PIP4P2: variants seen among roughly 807,000 people sequenced by gnomAD.
PIP4P2 encodes phosphatidylinositol-4,5-bisphosphate 4-phosphatase 2, also known as type 2 phosphatidylinositol 4,5-bisphosphate 4-phosphatase.
PIP4P2 carries 19 observed loss-of-function variants against 33.3 expected under a neutral mutation model. That is an observed-to-expected ratio of 0.57 (90% CI 0.40 to 0.84). The LOEUF (loss-of-function observed/expected upper bound fraction) is 0.84, where lower values mean the gene tolerates loss of function less well. Among genes scored for constraint, PIP4P2 ranks in the 40% least tolerant of loss-of-function variants. PIP4P2 has a pLI of 0.00. For synonymous variants in PIP4P2, 110 were observed against 111.9 expected (o/e 0.98, Z 0.11); for missense variants, 270 against 324.7 (o/e 0.83, Z 1.29).
chr8:91,019,211 C>G (rs902172002), intron 3 of PIP4P2, among the ~76,000 whole-genome samples: 2 of 150,306 alleles, frequency 1.3e-5, no homozygotes, highest in Non-Finnish European at 3.0e-5. Flanking sequence ...GTGAGATACA[C>G]AAAAATAACT....
chr8:91,004,318 CT>C (rs965972306), intron 5 of PIP4P2, among the ~76,000 whole-genome samples: 185 of 147,214 alleles, frequency 1.3e-3, no homozygotes, highest in Middle Eastern at 3.5e-3. Flanking sequence ...CTTTCCACTG[CT>C]TTTTTTTTTT....
Position 91,040,824 on chromosome 8 carries a change from G to GC in PIP4P2, c.-76dup, listed in dbSNP as rs1812297383. On this transcript the variant is annotated 5_prime_UTR_variant, in exon 1 of 7. Transcript: ENST00000285419. ...CGGCGGAGTGGTGGCTACTGCTGCT[G>GC]CCTCTGCTGCCGCTGCTGCCGCTGC... 7.4e-7 allele frequency: 1 copy of GC among 1,347,026 alleles called. No individual in the cohort carries two copies. The highest frequency in any genetic ancestry group is 1.0e-6 in the Non-Finnish European group (1 of 966,052). The allele number at this position is 1,347,026 out of a possible 1,614,324, so 83.4% of individuals were successfully genotyped here.
At chr8:91,010,906 A>T (rs1293287461) in intron 4 of PIP4P2, among the ~76,000 whole-genome samples, 1 of 151,210 alleles carries the variant, frequency 6.6e-6, no homozygotes, top group Non-Finnish European at 1.5e-5. Context: ...CATGTAATGG[A>T]TAAATTGAGT....
At chr8:90,997,132 T>A (rs1420622491) in intron 5 of PIP4P2, among the ~76,000 whole-genome samples, 1 of 151,826 alleles carries the variant, frequency 6.6e-6, no homozygotes, top group East Asian at 1.9e-4. Context: ...ATGTAAAAAA[T>A]TTAGAAAGTA....
At chr8:91,026,327 T>C (rs1812084020) in intron 1 of PIP4P2, among the ~76,000 whole-genome samples, 1 of 152,102 alleles carries the variant, frequency 6.6e-6, no homozygotes. Context: ...TTTATAGTTT[T>C]CAACATTCGC....
At chr8:91,023,296 C>T (rs182035866) in intron 1 of PIP4P2, among the ~76,000 whole-genome samples, 24 of 151,740 alleles carry the variant, frequency 1.6e-4, no homozygotes, top group Non-Finnish European at 3.2e-4. Context: ...TCTCGTAATC[C>T]CAGGTCTCTA....
In PIP4P2 at chr8:91,040,841, T is replaced by TGCCGCTGCAGCTGCTGCTGCTGCC. The variant is rs1812298342; in HGVS notation, c.-93_-92insGGCAGCAGCAGCAGCTGCAGCGGC. ...CTGCTGCTGCCTCTGCTGCCGCTGC[T>TGCCGCTGCAGCTGCTGCTGCTGCC]GCCGCTGCAGCTGCTGCTGCTGCCG... On this transcript the variant is annotated 5_prime_UTR_variant, in exon 1 of 7. Transcript: ENST00000285419. 3 of 1,040,908 alleles carry TGCCGCTGCAGCTGCTGCTGCTGCC rather than the reference T, an allele frequency of 2.9e-6. No homozygotes were observed. The highest frequency in any genetic ancestry group is 2.3e-5 in the Admixed American group (1 of 44,366). 64.5% of individuals were successfully genotyped at this position (1,040,908 alleles called of 1,614,324 possible).
At chr8:91,005,010 T>C (rs1811748223) in intron 5 of PIP4P2, among the ~76,000 whole-genome samples, 1 of 152,160 alleles carries the variant, frequency 6.6e-6, no homozygotes, top group Non-Finnish European at 1.5e-5. Context: ...TTTTCAACTC[T>C]CAGTTATCTT....
intron 1 of PIP4P2, among the ~76,000 whole-genome samples, chr8:91,027,000 G>A (rs560052858): frequency 5.3e-5 from 8 of 152,226 alleles, no homozygotes; most frequent in Non-Finnish European, 1.5e-5. Context: ...GAGAAGCTCC[G>A]GTCTTTAAAT....
intron 1 of PIP4P2, 71 bp from the exon 2 acceptor site, chr8:91,021,475 T>C: frequency 6.7e-7 from 1 of 1,489,282 alleles, no homozygotes; most frequent in Non-Finnish European, 9.1e-7. Context: ...ATAGAGGCAA[T>C]ATAAGTAAAG....
In PIP4P2 at chr8:91,003,125, C is replaced by T. The variant is rs114572815; in HGVS notation, c.539+5618G>A. 1.7e-3 allele frequency among the ~76,000 whole-genome samples: 262 copies of T among 152,252 alleles called. 1 individual carries two copies. Among genetic ancestry groups the T allele is most frequent in the African/African-American group, 6.1e-3 (252 of 41,556 alleles). On this transcript the variant is annotated intron_variant, in intron 5 of 6. Transcript: ENST00000285419. ...AATAACAATGGAAATTGTACCTCTTCGGGTTGTGCAGCATACAACTTGCAC... is the reference window on the plus strand; with the variant it reads ...AATAACAATGGAAATTGTACCTCTTTGGGTTGTGCAGCATACAACTTGCAC...
chr8:91,039,694 C>T (rs1463234781), intron 1 of PIP4P2, among the ~76,000 whole-genome samples: 1 of 152,178 alleles, frequency 6.6e-6, no homozygotes, highest in Non-Finnish European at 1.5e-5. Context: ...CCAATCTTTT[C>T]ACTAACCTAA....
chr8:91,018,563 A>G, intron 3 of PIP4P2, 50 bp from the exon 4 acceptor site: 1 of 1,610,552 alleles, frequency 6.2e-7, no homozygotes, highest in Non-Finnish European at 8.5e-7. Flanking sequence ...ATGGACTGAG[A>G]GCAAAACCTG....
intron 4 of PIP4P2, among the ~76,000 whole-genome samples, chr8:91,014,132 A>G (rs930339895): frequency 1.3e-4 from 20 of 152,294 alleles, no homozygotes; most frequent in Admixed American, 5.2e-4. Flanking sequence ...TGGAAAGCAG[A>G]TGGACTTTGC....
intron 1 of PIP4P2, among the ~76,000 whole-genome samples, chr8:91,035,446 C>T (rs890203951): frequency 1.3e-5 from 2 of 152,212 alleles, no homozygotes; most frequent in Admixed American, 6.5e-5. Flanking sequence ...TTGGTCCTTA[C>T]CATCTTTGCT....
At chr8:91,007,181 T>A (rs1257240439) in intron 5 of PIP4P2, among the ~76,000 whole-genome samples, 2 of 152,178 alleles carry the variant, frequency 1.3e-5, no homozygotes, top group Non-Finnish European at 2.9e-5. Context: ...TTTGTGCACG[T>A]ATTAAGGGTT....
At chr8:90,997,667 TTAC>T (rs1366833246) in intron 5 of PIP4P2, among the ~76,000 whole-genome samples, 2 of 152,096 alleles carry the variant, frequency 1.3e-5, no homozygotes, top group African/African-American at 2.4e-5. Context: ...CATATATTTA[TTAC>T]TATATACCAT....
intron 1 of PIP4P2, among the ~76,000 whole-genome samples, chr8:91,032,810 C>T (rs1412212328): frequency 1.4e-5 from 2 of 144,732 alleles, no homozygotes; most frequent in African/African-American, 5.1e-5. Context: ...AAGAAAGAAA[C>T]ACAAAACACC....
At position 91,001,699 on chromosome 8, in the gene PIP4P2, G is replaced by T. The variant is rs1012915990; in HGVS notation, c.540-4955C>A. 8.5e-5 allele frequency among the ~76,000 whole-genome samples: 13 copies of T among 152,048 alleles called. No individual in the cohort carries two copies. In the East Asian group the frequency reaches 1.7e-3, roughly 20 times the overall value. On this transcript the variant is annotated intron_variant, in intron 5 of 6. Coordinates refer to ENST00000285419, the MANE Select transcript of PIP4P2 (RefSeq NM_018710.3). ...CTCCATATTTAATAATTATAAATCTGAAGTTTTTAGAGGTCTAATTATGCT... is the reference window on the plus strand; with the variant it reads ...CTCCATATTTAATAATTATAAATCTTAAGTTTTTAGAGGTCTAATTATGCT...
Sources: allele counts gnomAD v4.1 joint callset (sites outside exome capture counted in the v4.1 genomes callset), GRCh38; gene constraint gnomAD v4.1.1; transcripts MANE v1.5; gene names NCBI Gene and HGNC (gene_info 2026-07-23, HGNC 2026-07-21).